Variants in DAB1 observed in about 807,000 individuals in gnomAD.
DAB1 encodes the protein disabled homolog 1.
DAB1 carries 15 observed loss-of-function variants against 64.6 expected under a neutral mutation model. The observed-to-expected ratio is 0.23, with a 90% CI of 0.16 to 0.36. The LOEUF (loss-of-function observed/expected upper bound fraction) is 0.36. Ranked by LOEUF, DAB1 falls within the 10% of genes least tolerant of loss-of-function variation. The pLI, the probability that DAB1 is intolerant of heterozygous loss-of-function variation, is 1.00. For synonymous variants in DAB1, 235 were observed against 251.9 expected (o/e 0.93, Z 0.64); for missense variants, 596 against 706.7 (o/e 0.84, Z 1.78).
chr1:57,944,601 T>C (rs1645156466), intron 5 of DAB1, among the ~76,000 whole-genome samples: 1 of 152,236 alleles, frequency 6.6e-6, no homozygotes, highest in African/African-American at 2.4e-5. Context: ...GTCTTTAGAA[T>C]GCAGGGGACC....
At chr1:58,472,408 ATTTTG>A (rs1645369545) in intron 3 of DAB1, among the ~76,000 whole-genome samples, 1 of 152,100 alleles carries the variant, frequency 6.6e-6, no homozygotes, top group East Asian at 1.9e-4. Flanking sequence ...TATAGTTTTT[ATTTTG>A]TTTTATTTTT....
intron 1 of DAB1, among the ~76,000 whole-genome samples, chr1:57,360,525 G>T (rs1051301717): frequency 6.6e-6 from 1 of 152,072 alleles, no homozygotes; most frequent in Non-Finnish European, 1.5e-5. Flanking sequence ...GAGTTTGTGT[G>T]TATAATTAAT....
intron 1 of DAB1, among the ~76,000 whole-genome samples, chr1:58,545,187 T>A (rs1162194202): frequency 2.0e-5 from 3 of 152,194 alleles, no homozygotes; most frequent in Non-Finnish European, 2.9e-5. Context: ...AAGAAAGCTC[T>A]CATCTCTATG....
chr1:58,343,948 G>C (rs1643967802), intron 3 of DAB1, among the ~76,000 whole-genome samples: 1 of 152,190 alleles, frequency 6.6e-6, no homozygotes, highest in Non-Finnish European at 1.5e-5. Context: ...CTGACTTGTA[G>C]TGCAGACCTT....
At chr1:57,598,005 C>T (rs953252043) in intron 7 of DAB1, among the ~76,000 whole-genome samples, 11 of 152,126 alleles carry the variant, frequency 7.2e-5, no homozygotes, top group South Asian at 2.1e-4. Context: ...TATTTTGAGA[C>T]GGAGTCTCGC....
chr1:58,538,953 T>G (rs186249254), intron 1 of DAB1: 6 of 872,914 alleles, frequency 6.9e-6, no homozygotes, highest in African/African-American at 6.5e-5. Flanking sequence ...TAGGGACTGC[T>G]GTAACTTCTT....
chr1:57,884,205 G>A (rs1467512392), upstream of DAB1: 1 of 152,342 alleles, frequency 6.6e-6, no homozygotes, highest in Non-Finnish European at 1.5e-5. Flanking sequence ...CAAACCAAAA[G>A]AGAAAGAGGA....
intron 4 of DAB1, among the ~76,000 whole-genome samples, chr1:57,111,444 C>T (rs937904952): frequency 2.0e-5 from 3 of 152,024 alleles, no homozygotes; most frequent in Non-Finnish European, 4.4e-5. Flanking sequence ...CACCCTCCAG[C>T]CAGGAAAGGA....
chr1:57,453,045 A>G (rs899793309), intron 7 of DAB1, among the ~76,000 whole-genome samples: 17 of 152,232 alleles, frequency 1.1e-4, no homozygotes, highest in African/African-American at 4.1e-4. Context: ...ATATTGTAGA[A>G]GTAAACTGGT....
chr1:58,344,196 G>A (rs1042733790), intron 3 of DAB1, among the ~76,000 whole-genome samples: 1 of 152,130 alleles, frequency 6.6e-6, no homozygotes, highest in Non-Finnish European at 1.5e-5. Flanking sequence ...AGCTCAGAAG[G>A]TTGTTGTTGA....
At chr1:57,061,230 G>GT (rs1491105286) in intron 9 of DAB1, among the ~76,000 whole-genome samples, 2 of 22,728 alleles carry the variant, frequency 8.8e-5, no homozygotes, top group Non-Finnish European at 1.8e-4. Context: ...TATTTAGATG[G>GT]GGGGGGGGGG....
At chr1:57,381,797 A>G (rs1160821010) in intron 1 of DAB1, among the ~76,000 whole-genome samples, 1 of 152,230 alleles carries the variant, frequency 6.6e-6, no homozygotes, top group East Asian at 1.9e-4. Flanking sequence ...CTTATTATTA[A>G]CAATTGGGCA....
At chr1:58,432,957 C>T (rs1644895858) in intron 3 of DAB1, among the ~76,000 whole-genome samples, 1 of 152,234 alleles carries the variant, frequency 6.6e-6, no homozygotes, top group African/African-American at 2.4e-5. Flanking sequence ...GCCAGCTTTG[C>T]CTCAGCATCC....
chr1:57,682,032 T>A (rs3131756), intron 6 of DAB1, among the ~76,000 whole-genome samples: 110,774 of 151,910 alleles, frequency 0.73, 41,157 homozygotes, highest in East Asian at 0.93. Context: ...CATCTCATTC[T>A]GAAACAGAAG....
At chr1:58,530,151 G>A (rs1476319694) in intron 1 of DAB1, among the ~76,000 whole-genome samples, 1 of 152,192 alleles carries the variant, frequency 6.6e-6, no homozygotes, top group Non-Finnish European at 1.5e-5. Flanking sequence ...AAAGTGCTGA[G>A]ATTACAGGCA....
chr1:58,010,732 C>T (rs1257550674), intron 5 of DAB1, among the ~76,000 whole-genome samples: 2 of 152,210 alleles, frequency 1.3e-5, no homozygotes, highest in East Asian at 3.9e-4. Context: ...TCCTGCAGGG[C>T]TCTCAGAAGC....
chr1:58,237,795 T>C (rs1229519072), intron 4 of DAB1, among the ~76,000 whole-genome samples: 1 of 152,182 alleles, frequency 6.6e-6, no homozygotes, highest in African/African-American at 2.4e-5. Context: ...AGAAATGTCA[T>C]AGATGACCAC....
At chr1:58,299,693 A>G (rs894396371) in intron 4 of DAB1, among the ~76,000 whole-genome samples, 17 of 152,184 alleles carry the variant, frequency 1.1e-4, no homozygotes, top group African/African-American at 4.1e-4. Context: ...TGTGGAATGT[A>G]ACACATCTTT....
intron 6 of DAB1, among the ~76,000 whole-genome samples, chr1:57,787,605 G>A (rs982701943): frequency 2.6e-5 from 4 of 151,846 alleles, no homozygotes; most frequent in Non-Finnish European, 5.9e-5. Context: ...TCTTGGATTA[G>A]GCAAAAAGGT....
Sources: allele counts gnomAD v4.1 joint callset (sites outside exome capture counted in the v4.1 genomes callset), GRCh38; gene constraint gnomAD v4.1.1; transcripts MANE v1.5; gene names NCBI Gene and HGNC (gene_info 2026-07-23, HGNC 2026-07-21).